Variants in RAB3C observed in about 807,000 individuals in gnomAD.
RAB3C encodes the protein ras-related protein Rab-3C.
In RAB3C, 17 loss-of-function variants were observed where a neutral mutation model predicts 26.4. The observed-to-expected ratio is 0.64, with a 90% CI of 0.44 to 0.97. RAB3C has a LOEUF of 0.97. Among genes scored for constraint, RAB3C ranks in the 50% least tolerant of loss-of-function variants. The probability of loss-of-function intolerance (pLI) is 0.00; values close to 1 mark genes in which losing one functional copy is unlikely to be tolerated. For synonymous variants in RAB3C, 91 were observed against 95.9 expected (o/e 0.95, Z 0.30); for missense variants, 242 against 281.9 (o/e 0.86, Z 1.01).
chr5:58,814,399 A>G (rs994356982), intron 3 of RAB3C, among the ~76,000 whole-genome samples: 1 of 152,170 alleles, frequency 6.6e-6, no homozygotes, highest in African/African-American at 2.4e-5. Flanking sequence ...CACCAGGAAT[A>G]CAAAGTGGGA....
chr5:58,813,844 C>T (rs1486353220), intron 3 of RAB3C, among the ~76,000 whole-genome samples: 1 of 81,688 alleles, frequency 1.2e-5, no homozygotes, highest in Non-Finnish European at 2.5e-5. Context: ...GGGTTAACAC[C>T]CATGGAGCAA....
intron 2 of RAB3C, among the ~76,000 whole-genome samples, chr5:58,637,104 T>TTTA: frequency 6.6e-6 from 1 of 151,656 alleles, no homozygotes; most frequent in African/African-American, 2.4e-5. Flanking sequence ...AGAACTTTTT[T>TTTA]TTTTTTTTTA....
intron 4 of RAB3C, among the ~76,000 whole-genome samples, chr5:58,839,137 C>A (rs1376765450): frequency 1.3e-5 from 2 of 151,180 alleles, no homozygotes; most frequent in Non-Finnish European, 2.9e-5. Context: ...ATAATTGGGC[C>A]TTGATTTTTT....
chr5:58,816,061 A>C (rs1180550752), intron 3 of RAB3C, among the ~76,000 whole-genome samples: 1 of 152,128 alleles, frequency 6.6e-6, no homozygotes, highest in East Asian at 1.9e-4. Flanking sequence ...AAAGGATGAA[A>C]TTATTTAATA....
At chr5:58,793,903 AT>A (rs924275856) in intron 3 of RAB3C, among the ~76,000 whole-genome samples, 15 of 152,148 alleles carry the variant, frequency 9.9e-5, no homozygotes, top group African/African-American at 3.6e-4. Context: ...GTGTGAGTTT[AT>A]TGTCTATCTT....
At chr5:58,726,711 A>G (rs764356824) in intron 3 of RAB3C, among the ~76,000 whole-genome samples, 51 of 152,030 alleles carry the variant, frequency 3.4e-4, no homozygotes, top group Admixed American at 8.5e-4. Flanking sequence ...ATTTTGAAGG[A>G]CTGAGATAAA....
intron 2 of RAB3C, among the ~76,000 whole-genome samples, chr5:58,663,400 A>T (rs1395762785): frequency 6.7e-6 from 1 of 150,322 alleles, no homozygotes; most frequent in African/African-American, 2.5e-5. Flanking sequence ...TTGGGCAGAC[A>T]TTCTGTCCTG....
chr5:58,715,163 A>C (rs1251157448), intron 2 of RAB3C, among the ~76,000 whole-genome samples: 1 of 151,948 alleles, frequency 6.6e-6, no homozygotes, highest in Non-Finnish European at 1.5e-5. Flanking sequence ...TGATCTATTA[A>C]ATTATACTTT....
At chr5:58,784,193 T>C (rs1324919746) in intron 3 of RAB3C, among the ~76,000 whole-genome samples, 1 of 152,110 alleles carries the variant, frequency 6.6e-6, no homozygotes, top group East Asian at 1.9e-4. Flanking sequence ...GAATATAATA[T>C]ATAGTCCTCC....
At chr5:58,614,456 G>T (rs1175066587) in intron 1 of RAB3C, among the ~76,000 whole-genome samples, 3 of 151,176 alleles carry the variant, frequency 2.0e-5, no homozygotes, top group Non-Finnish European at 1.5e-5. Context: ...AATCTTATTA[G>T]GTGTGTTAAA....
chr5:58,770,652 T>G (rs1026697245), intron 3 of RAB3C, among the ~76,000 whole-genome samples: 5 of 152,284 alleles, frequency 3.3e-5, no homozygotes, highest in African/African-American at 9.6e-5. Context: ...CTTTGCCTTC[T>G]TTAAAAACCT....
intron 3 of RAB3C, among the ~76,000 whole-genome samples, chr5:58,767,825 A>G (rs999138147): frequency 6.6e-6 from 1 of 152,232 alleles, no homozygotes; most frequent in African/African-American, 2.4e-5. Flanking sequence ...ATGGAGGCTT[A>G]TAGCCTACTA....
At chr5:58,718,009 A>T (rs1749208462) in intron 2 of RAB3C, among the ~76,000 whole-genome samples, 1 of 152,110 alleles carries the variant, frequency 6.6e-6, no homozygotes, top group Non-Finnish European at 1.5e-5. Context: ...GTTATCCTTT[A>T]AAACGCAATG....
At chr5:58,703,586 C>A (rs901945914) in intron 2 of RAB3C, among the ~76,000 whole-genome samples, 6 of 152,018 alleles carry the variant, frequency 3.9e-5, no homozygotes, top group Non-Finnish European at 8.8e-5. Flanking sequence ...GGGACGAAAC[C>A]AGAATTTGGA....
intron 2 of RAB3C, among the ~76,000 whole-genome samples, chr5:58,658,306 C>T (rs79348092): frequency 0.019 from 2,843 of 152,222 alleles, 90 homozygotes; most frequent in African/African-American, 0.065. Context: ...GTCCTGCTTC[C>T]GTATTCACCA....
intron 1 of RAB3C, among the ~76,000 whole-genome samples, chr5:58,612,524 ATATATATATATATATATATATATG>A (rs1331490207): frequency 6.1e-4 from 36 of 58,842 alleles, no homozygotes; most frequent in Admixed American, 1.1e-3. Flanking sequence ...GTGTGTGTAT[ATATATATATATATATATATATATG>A]TATATATATA....
At chr5:58,621,445 A>G (rs72760262) in intron 2 of RAB3C, among the ~76,000 whole-genome samples, 1,959 of 152,364 alleles carry the variant, frequency 0.013, 13 homozygotes, top group Middle Eastern at 0.051. Flanking sequence ...GGTTTCTACT[A>G]CATTATACTT....
At chr5:58,605,388 G>A (rs182402215) in intron 1 of RAB3C, among the ~76,000 whole-genome samples, 1 of 152,224 alleles carries the variant, frequency 6.6e-6, no homozygotes, top group East Asian at 1.9e-4. Flanking sequence ...GATGATTTTG[G>A]TTCTGCATGT....
intron 2 of RAB3C, among the ~76,000 whole-genome samples, chr5:58,659,882 C>T (rs1747863409): frequency 1.3e-5 from 2 of 152,192 alleles, no homozygotes; most frequent in African/African-American, 4.8e-5. Flanking sequence ...CGGCTCACTG[C>T]AACCTCTGCC....
Sources: allele counts gnomAD v4.1 joint callset (sites outside exome capture counted in the v4.1 genomes callset), GRCh38; gene constraint gnomAD v4.1.1; transcripts MANE v1.5; gene names NCBI Gene and HGNC (gene_info 2026-07-23, HGNC 2026-07-21).